ACVRL1: variants seen among roughly 807,000 people sequenced by gnomAD.
ACVRL1 encodes activin A receptor like type 1.
A neutral mutation model predicts 51.9 loss-of-function variants in ACVRL1; 20 were observed. That is an observed-to-expected ratio of 0.39 (90% CI 0.27 to 0.56). ACVRL1 has a LOEUF of 0.56. ACVRL1 is among the 20% of genes least tolerant of loss of function. The pLI is 0.67. For synonymous variants in ACVRL1, 288 were observed against 280.9 expected (o/e 1.03, Z -0.25); for missense variants, 451 against 670.3 (o/e 0.67, Z 3.61).
At position 51,915,252 on chromosome 12, in the gene ACVRL1, G is replaced by A. The variant is rs377201195; in HGVS notation, c.800G>A (p.Arg267His). ...TTCATCGCCTCAGACATGACCTCCCGCAACTCGAGCACGCAGCTGTGGCTC... is the reference window on the plus strand; with the variant it reads ...TTCATCGCCTCAGACATGACCTCCCACAACTCGAGCACGCAGCTGTGGCTC... ...LGFIASDMTS[R>H]NSSTQLWLIT... The change falls in exon 7 of 10, where the codon CGC (arginine) becomes CAC (histidine). Residue 267 changes from arginine (R) to histidine (H), a missense_variant. This residue lies in a region of ACVRL1 where 259 missense variants were observed against 453.4 expected (regional missense o/e 0.57). Coordinates refer to ENST00000388922, the MANE Select transcript of ACVRL1 (RefSeq NM_000020.3). 5.6e-6 allele frequency: 9 copies of A among 1,613,946 alleles called. No homozygotes were observed. The highest frequency in any genetic ancestry group is 1.3e-5 in the African/African-American group (1 of 74,878).
At position 51,920,939 on chromosome 12, in the gene ACVRL1, T is replaced by TGTGGGGGGGGGGGGGGG; in HGVS notation, c.*47_*48insTGGGGGGGGGGGGGGGG. The TGTGGGGGGGGGGGGGGG allele has an allele frequency of 3.8e-6, 1 of 262,672 alleles. No individual in the cohort carries two copies. Among genetic ancestry groups the TGTGGGGGGGGGGGGGGG allele is most frequent in the Non-Finnish European group, 7.6e-6 (1 of 131,932 alleles). The allele number at this position is 262,672 out of a possible 1,614,324, so 16.3% of individuals were successfully genotyped here. ...TTCTGCCTGCAGGGGGCTGGGGGGG[T>TGTGGGGGGGGGGGGGGG]GGGGGGCAGTGGATGGTGCCCTATC... On this transcript the variant is annotated 3_prime_UTR_variant, in exon 10 of 10. Transcript: ENST00000388922.
intron 1 of ACVRL1, among the ~76,000 whole-genome samples, chr12:51,909,037 T>C (rs1940644641): frequency 6.6e-6 from 1 of 152,130 alleles, no homozygotes; most frequent in Non-Finnish European, 1.5e-5. Context: ...TCCTCTGCTG[T>C]TGGGGTAAGG....
intron 6 of ACVRL1, 60 bp from the exon 7 acceptor site, chr12:51,915,165 G>A (rs538653520): frequency 1.9e-4 from 299 of 1,583,568 alleles, no homozygotes; most frequent in Non-Finnish European, 2.5e-4. Context: ...TGACCCTGAC[G>A]ACTCCAGCCT....
In ACVRL1 at chr12:51,918,698, G is replaced by T. The variant is rs376751111; in HGVS notation, c.1247-287G>T. 1.7e-3 allele frequency among the ~76,000 whole-genome samples: 260 copies of T among 152,312 alleles called. No individual in the cohort carries two copies. In the South Asian group the frequency reaches 0.022, roughly 13 times the overall value. On this transcript the variant is annotated intron_variant, in intron 8 of 9. Coordinates refer to ENST00000388922, the MANE Select transcript of ACVRL1 (RefSeq NM_000020.3). ...CATCAGTTTCTTCATCTGTAAAATG[G>T]AGGTAATACTAGTACCCACCCCACA...
upstream of ACVRL1, among the ~76,000 whole-genome samples, chr12:51,907,184 C>A (rs535774871): frequency 9.5e-4 from 145 of 152,208 alleles, 1 homozygote; most frequent in East Asian, 0.019. The surrounding 1 kb of genome is among the most constrained non-coding windows in gnomAD (Gnocchi z 4.5). Context: ...TGGGTCCGGA[C>A]CCCACGGGAC....
intron 8 of ACVRL1, among the ~76,000 whole-genome samples, 180 bp from the exon 9 acceptor site, chr12:51,918,805 T>C (rs531812941): frequency 6.6e-6 from 1 of 152,336 alleles, no homozygotes; most frequent in South Asian, 2.1e-4. Flanking sequence ...GCAAAACAAA[T>C]GGCAGTCATT....
chr12:51,913,066 C>A (rs1456135311), intron 2 of ACVRL1, 33 bp from the exon 3 acceptor site: 2 of 1,593,232 alleles, frequency 1.3e-6, no homozygotes, highest in Admixed American at 3.4e-5. Flanking sequence ...GGAGCTGGGA[C>A]CACAGTGGCT....
upstream of ACVRL1, chr12:51,907,077 G>T (rs1940607479): frequency 6.6e-6 from 1 of 151,388 alleles, no homozygotes; most frequent in Non-Finnish European, 1.5e-5. This position sits in a 1 kb window ranked among gnomAD's most constrained non-coding sequence, Gnocchi z 4.5. Context: ...GATTCCAGGC[G>T]GCCCCTCCGC....
rs775126098 is a variant in ACVRL1, at chr12:51,913,098, G to A, written c.62-1G>A. On this transcript the variant is annotated splice_acceptor_variant, in intron 2 of 9. Coordinates refer to ENST00000388922, the MANE Select transcript of ACVRL1 (RefSeq NM_000020.3). LOFTEE classifies it high-confidence loss of function. ...GGCTGAGCTTCCGGTGTGTCTTCCA[G>A]GAGACCCTGTGAAGCCGTCTCGGGG... The A allele has an allele frequency of 6.2e-7, 1 of 1,602,780 alleles. No homozygotes were observed. The highest frequency in any genetic ancestry group is 8.5e-7 in the Non-Finnish European group (1 of 1,179,004).
chr12:51,920,375 G>C (rs952253254), intron 9 of ACVRL1, among the ~76,000 whole-genome samples: 1 of 152,206 alleles, frequency 6.6e-6, no homozygotes, highest in Non-Finnish European at 1.5e-5. Context: ...CAAAGGTGGG[G>C]ATGGGGGTAA....
rs55945390 is a variant in ACVRL1 at position 51,919,363 on chromosome 12, CTGTGTGTGTGTGTGTG to C, written c.1377+274_1377+289del. On this transcript the variant is annotated intron_variant, in intron 9 of 9. Coordinates refer to ENST00000388922, the MANE Select transcript of ACVRL1 (RefSeq NM_000020.3). ...GAAAAGTCAGAGGCTATCTGTGGCT[CTGTGTGTGTGTGTGTG>C]TGTGTGTGTGTGTGTGTGTGTGTGT... 57 of 387,828 alleles carry C rather than the reference CTGTGTGTGTGTGTGTG, an allele frequency of 1.5e-4. No homozygotes were observed. The Middle Eastern group carries it at 2.3e-3, about 16-fold the overall frequency. The allele number at this position is 387,828 out of a possible 1,614,324, so 24.0% of individuals were successfully genotyped here. A position where few individuals can be genotyped will look rare whatever the true frequency, so the allele number is the denominator to read the frequency against.
chr12:51,914,359 A>G, intron 5 of ACVRL1, 80 bp from the exon 6 acceptor site: 1 of 1,595,808 alleles, frequency 6.3e-7, no homozygotes, highest in Non-Finnish European at 8.6e-7. Context: ...CGAGGGAGGC[A>G]GCGCAGCATC....
At chr12:51,913,002 G>A (rs996534217) in intron 2 of ACVRL1, 97 bp from the exon 3 acceptor site, 3 of 1,499,222 alleles carry the variant, frequency 2.0e-6, no homozygotes, top group Non-Finnish European at 2.7e-6. Flanking sequence ...GTTTGTCTGA[G>A]GGGTCAGACG....
intron 6 of ACVRL1, 22 bp downstream of exon 6, chr12:51,914,607 G>T: frequency 6.2e-7 from 1 of 1,604,078 alleles, no homozygotes; most frequent in East Asian, 2.2e-5. Flanking sequence ...GGCCAGCTGT[G>T]CCAGGCCTGG....
Position 51,913,207 on chromosome 12 carries a change from G to T in ACVRL1, c.170G>T (p.Arg57Leu). The T allele has an allele frequency of 6.3e-7, 1 of 1,589,430 alleles. No individual in the cohort carries two copies. Among genetic ancestry groups the T allele is most frequent in the Non-Finnish European group, 8.6e-7 (1 of 1,168,820 alleles). ...RGAWCTVVLV[R>L]EEGRHPQEHR... The stretch of plus-strand genomic sequence containing the variant: ...GCCTGGTGCACAGTAGTGCTGGTGC[G>T]GGAGGAGGGGAGGCACCCCCAGGAA... Residue 57 changes from arginine to leucine, a missense_variant, in exon 3 of 10, where the codon CGG (arginine) becomes CTG (leucine). Transcript: ENST00000388922.
chr12:51,907,030 G>T (rs1317864493), upstream of ACVRL1: 5 of 102,344 alleles, frequency 4.9e-5, no homozygotes, highest in African/African-American at 1.8e-4. The surrounding 1 kb of genome is among the most constrained non-coding windows in gnomAD (Gnocchi z 4.5). Flanking sequence ...TCCCACCCCC[G>T]CCTGTCCCTT....
intron 8 of ACVRL1, 96 bp downstream of exon 8, chr12:51,916,329 GC>G: frequency 2.2e-6 from 3 of 1,384,726 alleles, no homozygotes; most frequent in Non-Finnish European, 3.0e-6. Flanking sequence ...TGGGAGGTTT[GC>G]AGTCAGACCT....
Position 51,912,489 on chromosome 12 carries a change from C to T in ACVRL1, c.15C>T (p.Ser5=), listed in dbSNP as rs772291573. 8.7e-6 allele frequency: 14 copies of T among 1,614,074 alleles called. No homozygotes were observed. Among genetic ancestry groups the T allele is most frequent in the Non-Finnish European group, 1.2e-5 (14 of 1,180,034 alleles). The part of the protein sequence containing the change: MTLG[S]PRKGLLMLLM... ...CTGCAGGGACCATGACCTTGGGCTC[C>T]CCCAGGAAAGGCCTTCTGATGCTGC... Residue 5 remains serine, a synonymous_variant, in exon 2 of 10, where the codon TCC becomes TCT. Coordinates refer to ENST00000388922, the MANE Select transcript of ACVRL1 (RefSeq NM_000020.3).
chr12:51,914,180 C>T, intron 5 of ACVRL1, 107 bp downstream of exon 5: 1 of 975,392 alleles, frequency 1.0e-6, no homozygotes. Context: ...AGGCCTGGGT[C>T]AGAATTGGAA....
Sources: gnomAD v4.1 joint callset for allele counts (sites outside exome capture counted in the v4.1 genomes callset) on GRCh38, gnomAD v4.1.1 for gene constraint, gnomAD v4.1.1 regional missense constraint, Gnocchi (gnomAD v3.1) non-coding constraint, MANE v1.5 for transcripts, NCBI Gene and HGNC (gene_info 2026-07-23, HGNC 2026-07-21) for gene names.